MKNK1: variants seen among roughly 807,000 people sequenced by gnomAD.
MKNK1 encodes the protein MAPK interacting serine/threonine kinase 1.
In MKNK1, 30 loss-of-function variants were observed where a neutral mutation model predicts 49.3. The ratio of observed to expected loss-of-function variants is 0.61; its 90% CI spans 0.46 to 0.83. The LOEUF (loss-of-function observed/expected upper bound fraction) is 0.83. MKNK1 is among the 40% of genes least tolerant of loss of function. The pLI is 0.00. For synonymous variants in MKNK1, 176 were observed against 201.7 expected, an observed-to-expected ratio of 0.87 and a Z score of 1.08; for missense variants, 423 against 524.7, an observed-to-expected ratio of 0.81 and a Z score of 1.89.
chr1:46,580,349 A>T (rs1450189637), intron 4 of MKNK1, 181 bp downstream of exon 4: 6 of 590,540 alleles, frequency 1.0e-5, no homozygotes, highest in Non-Finnish European at 1.8e-5. Flanking sequence ...GAGAAAACTG[A>T]AGGACAGAGA....
chr1:46,565,988 A>C (rs1668991628), intron 8 of MKNK1, among the ~76,000 whole-genome samples: 1 of 152,044 alleles, frequency 6.6e-6, no homozygotes, highest in Non-Finnish European at 1.5e-5. Flanking sequence ...ATAAAGCATA[A>C]AATATGAGAT....
chr1:46,571,253 A>T (rs1053042251), intron 7 of MKNK1, among the ~76,000 whole-genome samples: 4 of 152,248 alleles, frequency 2.6e-5, no homozygotes, highest in Admixed American at 2.6e-4. Flanking sequence ...ATGTTAATAG[A>T]AAAGTATAAG....
At chr1:46,578,612 A>T in intron 4 of MKNK1, among the ~76,000 whole-genome samples, 1 of 143,160 alleles carries the variant, frequency 7.0e-6, no homozygotes, top group Non-Finnish European at 1.5e-5. Context: ...TTTGAGACAG[A>T]GTCTCCCTCT....
intron 9 of MKNK1, 60 bp from the exon 10 acceptor site, chr1:46,562,903 G>A (rs980529723): frequency 1.7e-5 from 23 of 1,378,382 alleles, no homozygotes; most frequent in Non-Finnish European, 2.0e-5. Flanking sequence ...CTTAGTTACA[G>A]CAGAGGGGAT....
chr1:46,581,695 C>T (rs935547079), intron 3 of MKNK1, among the ~76,000 whole-genome samples: 5 of 152,058 alleles, frequency 3.3e-5, no homozygotes, highest in Non-Finnish European at 5.9e-5. Flanking sequence ...ATACCCCATA[C>T]ATGGAAGTCA....
intron 4 of MKNK1, among the ~76,000 whole-genome samples, chr1:46,578,195 C>T (rs1671251602): frequency 6.6e-6 from 1 of 152,200 alleles, no homozygotes; most frequent in South Asian, 2.1e-4. Context: ...GGGAGCAGAA[C>T]ATGGACAACT....
At chr1:46,565,212 G>GAGCCATGCACCC in intron 8 of MKNK1, 76 bp from the exon 9 acceptor site, 10 of 1,340,856 alleles carry the variant, frequency 7.5e-6, no homozygotes, top group Non-Finnish European at 1.1e-5. Flanking sequence ...TGGCTGTACG[G>GAGCCATGCACCC]GTGCATGGCT....
chr1:46,586,874 T>C (rs1672649112), intron 2 of MKNK1, among the ~76,000 whole-genome samples: 2 of 152,098 alleles, frequency 1.3e-5, no homozygotes, highest in Admixed American at 6.6e-5. Flanking sequence ...TGCAGTGGAG[T>C]GCAGCTCAGT....
At chr1:46,559,420 A>T (rs1363505490) in intron 12 of MKNK1, among the ~76,000 whole-genome samples, 1 of 152,186 alleles carries the variant, frequency 6.6e-6, no homozygotes, top group Non-Finnish European at 1.5e-5. Context: ...GGCTGGTGCC[A>T]AAAAGGTTTC....
At chr1:46,559,571 C>G (rs562711000) in intron 12 of MKNK1, 22 of 154,010 alleles carry the variant, frequency 1.4e-4, no homozygotes, top group Non-Finnish European at 2.9e-4. Flanking sequence ...TCTAGAACAC[C>G]TCTCTTAAAT....
chr1:46,565,204 G>GCTC, intron 8 of MKNK1, 68 bp from the exon 9 acceptor site: 1 of 1,427,780 alleles, frequency 7.0e-7, no homozygotes, highest in Non-Finnish European at 9.9e-7. Flanking sequence ...GCCAGGCATG[G>GCTC]CTGTACGGGT....
chr1:46,564,001 C>A (rs1304424969), intron 9 of MKNK1, among the ~76,000 whole-genome samples: 4 of 85,048 alleles, frequency 4.7e-5, no homozygotes, highest in Non-Finnish European at 7.1e-5. Context: ...GCCGAGATCA[C>A]GCCACTGCAT....
At chr1:46,588,756 C>A (rs1049181657) in intron 2 of MKNK1, among the ~76,000 whole-genome samples, 1 of 148,494 alleles carries the variant, frequency 6.7e-6, no homozygotes. Flanking sequence ...TGCAGTGAGC[C>A]GAGATCGCGC....
intron 4 of MKNK1, among the ~76,000 whole-genome samples, chr1:46,577,193 T>G (rs1671096017): frequency 6.6e-6 from 1 of 152,122 alleles, no homozygotes; most frequent in East Asian, 1.9e-4. Flanking sequence ...AATGATTTAT[T>G]TACGGCCGGG....
In MKNK1 at chr1:46,580,494, G is replaced by A. The variant is rs777496659; in HGVS notation, c.198+36C>T. 3 of 1,402,666 alleles carry A rather than the reference G, an allele frequency of 2.1e-6. No individual in the cohort carries two copies. In the South Asian group the frequency reaches 3.5e-5, roughly 16 times the overall value. The allele number at this position is 1,402,666 out of a possible 1,614,324, so 86.9% of individuals were successfully genotyped here. On this transcript the variant is annotated intron_variant, in intron 4 of 12. Coordinates refer to ENST00000371945, the MANE Select transcript of MKNK1 (RefSeq NM_001135553.4). The stretch of plus-strand genomic sequence containing the variant: ...CAAGATGAGCTAGGAATGACTATTT[G>A]CAAAGTAAAGCCTGGCATTCAGCTG...
chr1:46,570,165 G>A (rs1364267791), intron 7 of MKNK1: 3 of 152,128 alleles, frequency 2.0e-5, no homozygotes, highest in Admixed American at 6.5e-5. Flanking sequence ...GTTAACAAGC[G>A]CCTCAGAACT....
intron 3 of MKNK1, among the ~76,000 whole-genome samples, chr1:46,582,419 G>T (rs1671881545): frequency 6.6e-6 from 1 of 152,206 alleles, no homozygotes; most frequent in Non-Finnish European, 1.5e-5. Flanking sequence ...GTGGCTGGAG[G>T]TCCCATATTC....
At chr1:46,564,474 T>A (rs1171786857) in intron 9 of MKNK1, among the ~76,000 whole-genome samples, 1 of 30,292 alleles carries the variant, frequency 3.3e-5, no homozygotes, top group South Asian at 3.0e-3. Context: ...TTGTTTTTTT[T>A]TTTTTTTTTT....
Position 46,564,931 on chromosome 1 carries a change from G to C in MKNK1, c.609+110C>G, listed in dbSNP as rs1279370028. 6.7e-6 allele frequency: 7 copies of C among 1,037,474 alleles called. No individual in the cohort carries two copies. The Admixed American group carries it at 1.4e-4, about 21-fold the overall frequency. The allele number at this position is 1,037,474 out of a possible 1,614,324, so 64.3% of individuals were successfully genotyped here. A position where few individuals can be genotyped will look rare whatever the true frequency, so the allele number is the denominator to read the frequency against. On this transcript the variant is annotated intron_variant, in intron 9 of 12. Coordinates refer to ENST00000371945, the MANE Select transcript of MKNK1 (RefSeq NM_001135553.4). ...AAGCAAAATGATCACTCAGGCAGCA[G>C]GAAGATAGGTCCACTTGGTTTTCCA...
Sources: allele counts gnomAD v4.1 joint callset (sites outside exome capture counted in the v4.1 genomes callset), GRCh38; gene constraint gnomAD v4.1.1; transcripts MANE v1.5; gene names NCBI Gene and HGNC (gene_info 2026-07-23, HGNC 2026-07-21).